Variants in MECOM observed in about 807,000 individuals in gnomAD.
MECOM encodes the protein MDS1 and EVI1 complex locus.
A neutral mutation model predicts 116.3 loss-of-function variants in MECOM; 13 were observed. The ratio of observed to expected loss-of-function variants is 0.11; its 90% confidence interval spans 0.07 to 0.18. The LOEUF is 0.18. MECOM is among the 10% of genes least tolerant of loss of function. The pLI is 1.00. For synonymous variants in MECOM, 528 were observed against 535.2 expected (o/e 0.99, Z 0.19); for missense variants, 1,299 against 1,509.0 (o/e 0.86, Z 2.31).
At chr3:169,496,073 G>A (rs535266212) in intron 1 of MECOM, among the ~76,000 whole-genome samples, 3 of 152,316 alleles carry the variant, frequency 2.0e-5, no homozygotes, top group South Asian at 2.1e-4. Flanking sequence ...TCTGCATTTA[G>A]GATATGGGAG....
At chr3:169,330,701 T>A (rs1373631739) in intron 2 of MECOM, among the ~76,000 whole-genome samples, 2 of 152,068 alleles carry the variant, frequency 1.3e-5, no homozygotes, top group Non-Finnish European at 2.9e-5. Flanking sequence ...ATATTTTTCC[T>A]CTTGATTTTG....
intron 2 of MECOM, among the ~76,000 whole-genome samples, chr3:169,211,534 A>C (rs1341682717): frequency 6.6e-6 from 1 of 152,116 alleles, no homozygotes; most frequent in Admixed American, 6.6e-5. Context: ...GCCACTGACC[A>C]ATACTTCTTT....
chr3:169,577,306 T>C (rs980098562), intron 1 of MECOM, among the ~76,000 whole-genome samples: 1 of 152,182 alleles, frequency 6.6e-6, no homozygotes, highest in African/African-American at 2.4e-5. Context: ...ATAATATGTT[T>C]TGAGTAAAAG....
At chr3:169,363,359 T>C (rs1295365383) in intron 2 of MECOM, among the ~76,000 whole-genome samples, 1 of 151,996 alleles carries the variant, frequency 6.6e-6, no homozygotes, top group African/African-American at 2.4e-5. Context: ...GCTATATTTG[T>C]CAGATTGATA....
intron 1 of MECOM, among the ~76,000 whole-genome samples, chr3:169,473,713 G>A (rs982122252): frequency 1.3e-5 from 2 of 152,122 alleles, no homozygotes; most frequent in African/African-American, 4.8e-5. Context: ...AGGTTGTAGT[G>A]AGCCGAGATT....
At chr3:169,429,953 T>C (rs1349448522) in intron 1 of MECOM, among the ~76,000 whole-genome samples, 2 of 152,194 alleles carry the variant, frequency 1.3e-5, no homozygotes, top group African/African-American at 2.4e-5. Flanking sequence ...TTCAAAGATA[T>C]AGCTTGACTT....
intron 1 of MECOM, among the ~76,000 whole-genome samples, chr3:169,654,281 C>T (rs1176750426): frequency 2.0e-5 from 3 of 152,206 alleles, no homozygotes; most frequent in Admixed American, 2.0e-4. Context: ...GCTAGAAATA[C>T]AACTCATGAT....
At chr3:169,661,809 G>A (rs1318049771) in intron 1 of MECOM, among the ~76,000 whole-genome samples, 1 of 152,156 alleles carries the variant, frequency 6.6e-6, no homozygotes, top group African/African-American at 2.4e-5. Context: ...GGGGAGACTG[G>A]GATTTCACTG....
rs117627643 is a variant in MECOM, at chr3:169,105,441, A to G, written c.2604+2485T>C. Among the ~76,000 whole-genome samples the G allele has an allele frequency of 1.4e-4, 21 of 152,272 alleles. No individual in the cohort carries two copies. The East Asian group carries it at 4.0e-3, about 29-fold the overall frequency. On this transcript the variant is annotated intron_variant, in intron 10 of 16. Coordinates refer to ENST00000651503, the MANE Select transcript of MECOM (RefSeq NM_004991.4). ...AGTAACACTTTTTTGCAGGAGAAAT[A>G]GTAAGTTTTGACATTCATTTTAAAT...
intron 1 of MECOM, among the ~76,000 whole-genome samples, chr3:169,527,887 TC>T (rs1758143615): frequency 6.6e-6 from 1 of 152,238 alleles, no homozygotes; most frequent in African/African-American, 2.4e-5. Flanking sequence ...GGGCTCTCTC[TC>T]TTCTTTGGTA....
chr3:169,627,985 T>C (rs568666727), intron 1 of MECOM, among the ~76,000 whole-genome samples: 2 of 152,078 alleles, frequency 1.3e-5, no homozygotes, highest in East Asian at 1.9e-4. Context: ...AAAGTCAGAG[T>C]CGGAGAACTT....
At chr3:169,528,166 G>T (rs1344133850) in intron 1 of MECOM, among the ~76,000 whole-genome samples, 1 of 152,146 alleles carries the variant, frequency 6.6e-6, no homozygotes, top group Non-Finnish European at 1.5e-5. Flanking sequence ...TCACCATTTG[G>T]CTTAGGCAAA....
At chr3:169,155,809 C>T (rs1386741400) in intron 2 of MECOM, among the ~76,000 whole-genome samples, 1 of 152,146 alleles carries the variant, frequency 6.6e-6, no homozygotes, top group Non-Finnish European at 1.5e-5. Context: ...TTCAACTGTG[C>T]TGAGGTAGGT....
chr3:169,637,429 G>A (rs1577221768), intron 1 of MECOM, among the ~76,000 whole-genome samples: 1 of 152,198 alleles, frequency 6.6e-6, no homozygotes, highest in African/African-American at 2.4e-5. Context: ...TGGAGACTGT[G>A]GATAGCAGAA....
At chr3:169,425,209 T>C (rs922735829) in intron 1 of MECOM, among the ~76,000 whole-genome samples, 2 of 152,092 alleles carry the variant, frequency 1.3e-5, no homozygotes, top group African/African-American at 4.8e-5. Context: ...TGGAGCACTT[T>C]CAATTTTTTA....
intron 1 of MECOM, among the ~76,000 whole-genome samples, chr3:169,578,019 G>GA (rs1008443792): frequency 2.0e-5 from 3 of 151,880 alleles, no homozygotes; most frequent in African/African-American, 4.8e-5. Context: ...AATCAGAGTT[G>GA]ATGCTTCGTA....
At chr3:169,300,624 C>A (rs1477092694) in intron 2 of MECOM, among the ~76,000 whole-genome samples, 1 of 152,164 alleles carries the variant, frequency 6.6e-6, no homozygotes, top group Non-Finnish European at 1.5e-5. Context: ...TCCTCATGTA[C>A]CTTCTAAGTG....
chr3:169,602,390 T>C (rs964026985), intron 1 of MECOM, among the ~76,000 whole-genome samples: 1 of 152,214 alleles, frequency 6.6e-6, no homozygotes, highest in Non-Finnish European at 1.5e-5. Flanking sequence ...TATGCTCAAA[T>C]AGTATTTTTA....
chr3:169,394,195 T>C (rs529924066), intron 1 of MECOM, among the ~76,000 whole-genome samples: 1 of 152,312 alleles, frequency 6.6e-6, no homozygotes, highest in African/African-American at 2.4e-5. Flanking sequence ...ATCCAACATA[T>C]GCCACAAAAC....
Sources: allele counts gnomAD v4.1 joint callset (sites outside exome capture counted in the v4.1 genomes callset), GRCh38; gene constraint gnomAD v4.1.1; transcripts MANE v1.5; gene names NCBI Gene and HGNC (gene_info 2026-07-23, HGNC 2026-07-21).